Variants in MYO15B observed in about 807,000 individuals in gnomAD.
MYO15B encodes the protein myosin XVB pseudogene.
In MYO15B, 207 loss-of-function variants were observed where a neutral mutation model predicts 119.3. The observed-to-expected ratio is 1.73, with a 90% CI of 1.55 to 1.95. The LOEUF (loss-of-function observed/expected upper bound fraction) is 1.95. MYO15B is among the 30% of genes most tolerant of loss of function. MYO15B has a pLI of 0.00. For missense variants in MYO15B, 2,264 were observed against 1,203.1 expected, an observed-to-expected ratio of 1.88 and a Z score of -13.04; for synonymous variants, 966 against 498.9, an observed-to-expected ratio of 1.94 and a Z score of -12.48.
At chr17:75,595,227 G>A (rs948435602) in intron 12 of MYO15B, among the ~76,000 whole-genome samples, 1 of 152,146 alleles carries the variant, frequency 6.6e-6, no homozygotes, top group African/African-American at 2.4e-5. Context: ...TGCGCGCCTT[G>A]GAGTTCTCGC....
chr17:75,606,211 C>T (rs1189219809), intron 21 of MYO15B, among the ~76,000 whole-genome samples, 190 bp downstream of exon 21: 1 of 152,160 alleles, frequency 6.6e-6, no homozygotes. Context: ...TGCTTGAATA[C>T]CCCGGCCACA....
rs1568235421 is a variant in MYO15B, at chr17:75,624,477, C to A, written c.8445+30C>A. ...GCTTGGGGGCCACCAAGGGAGGAGG[C>A]CTTGGGCATCAGTTCTGGGTCCCCC... is the stretch of plus-strand genomic sequence containing the variant. On this transcript the variant is annotated intron_variant, in intron 57 of 63. Coordinates refer to ENST00000645453, the Ensembl canonical transcript of MYO15B. 3 of 702,890 alleles carry A rather than the reference C, an allele frequency of 4.3e-6. No homozygotes were observed. In the South Asian group the frequency reaches 4.4e-5, roughly 10 times the overall value. 43.5% of individuals were successfully genotyped at this position (702,890 alleles called of 1,614,324 possible). A position where few individuals can be genotyped will look rare whatever the true frequency, so the allele number is the denominator to read the frequency against.
exon 1 of MYO15B, among the ~76,000 whole-genome samples, chr17:75,587,865 G>A (rs2056168298): frequency 6.6e-6 from 1 of 152,258 alleles, no homozygotes; most frequent in African/African-American, 2.4e-5. Context: ...ATTGTTGGCC[G>A]AGGGGGTCAG....
intron 33 of MYO15B, 25 bp from the exon 34 acceptor site, chr17:75,615,211 GGACT>G: frequency 1.4e-6 from 1 of 695,798 alleles, no homozygotes; most frequent in Non-Finnish European, 2.6e-6. Flanking sequence ...GCCCAGGCAG[GGACT>G]GACAGGGAGG....
In MYO15B at chr17:75,624,651, G is replaced by A. The variant is rs2058916641; in HGVS notation, c.8542+12G>A. ...CATCAAAGAGAAGAGTAAGCTTGGG[G>A]ACGGAGCCTCACGGTGGGGCCACTC... On this transcript the variant is annotated intron_variant, in intron 58 of 63. Transcript: ENST00000645453. 1 of 702,862 alleles carries A rather than the reference G, an allele frequency of 1.4e-6. No homozygotes were observed. The highest frequency in any genetic ancestry group is 1.7e-5 in the African/African-American group (1 of 57,230). The allele number at this position is 702,862 out of a possible 1,614,324, so 43.5% of individuals were successfully genotyped here.
chr17:75,593,466 C>T (rs1319234968), intron 9 of MYO15B, among the ~76,000 whole-genome samples: 1 of 151,900 alleles, frequency 6.6e-6, no homozygotes, highest in South Asian at 2.1e-4. Flanking sequence ...GGTGTGGTGA[C>T]ACGTGCCTGG....
At chr17:75,603,681 G>A (rs2057435035) in intron 19 of MYO15B, among the ~76,000 whole-genome samples, 1 of 151,896 alleles carries the variant, frequency 6.6e-6, no homozygotes, top group South Asian at 2.1e-4. Context: ...GATGGCAGGG[G>A]GGACGGAGTG....
chr17:75,621,656 C>T (rs903483269), intron 52 of MYO15B, 86 bp downstream of exon 52: 38 of 661,912 alleles, frequency 5.7e-5, no homozygotes, highest in Middle Eastern at 6.5e-4. Context: ...TGAGCTCTGC[C>T]TGGCTCTGTC....
chr17:75,591,998 C>T (rs1193763607), exon 6 of MYO15B: 6 of 702,632 alleles, frequency 8.5e-6, no homozygotes, highest in East Asian at 2.7e-5. Context: ...GCTGCCTATA[C>T]TCAGCAGCTT....
intron 62 of MYO15B, 40 bp downstream of exon 62, chr17:75,626,017 T>G: frequency 1.4e-6 from 1 of 698,326 alleles, no homozygotes; most frequent in Non-Finnish European, 2.6e-6. Context: ...CTAGGGACCC[T>G]TGGGCTGTTC....
At chr17:75,622,114 G>A in intron 53 of MYO15B, 34 bp downstream of exon 53, 1 of 702,160 alleles carries the variant, frequency 1.4e-6, no homozygotes, top group East Asian at 2.7e-5. Flanking sequence ...CAGCGCCTGT[G>A]CCTGTCCTCC....
chr17:75,588,585 A>T, exon 1 of MYO15B: 1 of 399,280 alleles, frequency 2.5e-6, no homozygotes. Flanking sequence ...AGCGCGGCAC[A>T]GCCCGGGAGC....
At chr17:75,619,524 G>A in intron 45 of MYO15B, 48 bp downstream of exon 45, 1 of 692,690 alleles carries the variant, frequency 1.4e-6, no homozygotes, top group Middle Eastern at 2.9e-4. Context: ...CCCCAGCCTG[G>A]ATCCTGGGGT....
At chr17:75,625,618 C>T in exon 61 of MYO15B, 1 of 703,050 alleles carries the variant, frequency 1.4e-6, no homozygotes, top group Non-Finnish European at 2.6e-6. Flanking sequence ...GCTGAGACGG[C>T]TGGAAGGACA....
intron 15 of MYO15B, 37 bp downstream of exon 15, chr17:75,601,600 G>C (rs1359810323): frequency 1.4e-6 from 1 of 696,182 alleles, no homozygotes. Flanking sequence ...GTGAATCAGC[G>C]AGGGCAGTGT....
At chr17:75,625,080 G>A (rs900446929) in intron 59 of MYO15B, 43 bp from the exon 60 acceptor site, 6 of 666,168 alleles carry the variant, frequency 9.0e-6, no homozygotes, top group Admixed American at 2.1e-5. Flanking sequence ...CTGATGGGGG[G>A]CTTTGGACCA....
At position 75,591,160 on chromosome 17, in the gene MYO15B, C is replaced by T. The variant is rs1320882292; in HGVS notation, c.2361-12C>T. 1 of 702,918 alleles carries T rather than the reference C, an allele frequency of 1.4e-6. No homozygotes were observed. The highest frequency in any genetic ancestry group is 2.0e-5 in the Admixed American group (1 of 50,014). The allele number at this position is 702,918 out of a possible 1,614,324, so 43.5% of individuals were successfully genotyped here. ...AGGTCCCCATGTCTGGCAACCTTCTCATCTCCCTCAGACACATCTTTGCCA... is the reference window on the plus strand; with the variant it reads ...AGGTCCCCATGTCTGGCAACCTTCTTATCTCCCTCAGACACATCTTTGCCA... On this transcript the variant is annotated splice_polypyrimidine_tract_variant and intron_variant, in intron 3 of 63. Coordinates refer to ENST00000645453, the Ensembl canonical transcript of MYO15B.
chr17:75,613,208 A>G (rs2058137171), exon 27 of MYO15B: 1 of 691,286 alleles, frequency 1.4e-6, no homozygotes, highest in Admixed American at 2.0e-5. Context: ...GCCACTGCTC[A>G]AGTAAGGGGC....
chr17:75,596,269 A>C, intron 12 of MYO15B, 191 bp from the exon 13 acceptor site: 3 of 589,298 alleles, frequency 5.1e-6, no homozygotes. Flanking sequence ...GGGCAGCTAG[A>C]GGGACCTGTG....
Sources: allele counts gnomAD v4.1 joint callset (sites outside exome capture counted in the v4.1 genomes callset), GRCh38; gene constraint gnomAD v4.1.1; transcripts MANE v1.5; gene names NCBI Gene and HGNC (gene_info 2026-07-23, HGNC 2026-07-21).